The following SYCP2L variants were observed in gnomAD, a reference collection of about 807,000 sequenced individuals.
The protein encoded by SYCP2L is synaptonemal complex protein 2 like, also known as synaptonemal complex protein 2-like.
SYCP2L carries 98 observed loss-of-function variants against 125.8 expected under a neutral mutation model. The observed-to-expected ratio is 0.78, with a 90% confidence interval of 0.66 to 0.92. The LOEUF is 0.92. SYCP2L is among the 40% of genes least tolerant of loss of function. The pLI, the probability that SYCP2L is intolerant of heterozygous loss-of-function variation, is 0.00. For missense variants in SYCP2L, 842 were observed against 936.4 expected (o/e 0.90, Z 1.32); for synonymous variants, 317 against 325.4 (o/e 0.97, Z 0.28).
chr6:10,917,114 T>C (rs1780706938), intron 14 of SYCP2L, among the ~76,000 whole-genome samples: 1 of 152,250 alleles, frequency 6.6e-6, no homozygotes, highest in Non-Finnish European at 1.5e-5. Context: ...AGAACGTATA[T>C]TCTGCGGTTG....
Position 10,961,366 on chromosome 6 carries a change from G to T in SYCP2L, c.2317G>T (p.Asp773Tyr). Reference sequence around the variant, plus strand: ...TCAAGAGTTGAGCAGTCTTAAGCAGGATATTCAGGCCCTGGAACACCTTGA... The same window carrying T: ...TCAAGAGTTGAGCAGTCTTAAGCAGTATATTCAGGCCCTGGAACACCTTGA... ...VLQELSSLKQ[D>Y]IQALEHLEKE... The change falls in exon 27 of 30, where the codon GAT (aspartate) becomes TAT (tyrosine). Residue 773 changes from aspartate (D) to tyrosine (Y), a missense_variant. Physicochemically the swap from Asp to Tyr is radical, Grantham distance 160 (BLOSUM62 -3). Transcript: ENST00000283141. 5 of 1,614,164 alleles carry T rather than the reference G, an allele frequency of 3.1e-6. No homozygotes were observed. Among genetic ancestry groups the T allele is most frequent in the Non-Finnish European group, 4.2e-6 (5 of 1,180,026 alleles).
At chr6:10,931,762 C>T (rs1333427393) in intron 20 of SYCP2L, among the ~76,000 whole-genome samples, 6 of 151,960 alleles carry the variant, frequency 3.9e-5, no homozygotes, top group African/African-American at 1.2e-4. Context: ...TTTGGGAGTT[C>T]GAGACCAGCC....
intron 14 of SYCP2L, among the ~76,000 whole-genome samples, chr6:10,920,245 T>C (rs1780770823): frequency 6.6e-6 from 1 of 152,170 alleles, no homozygotes; most frequent in African/African-American, 2.4e-5. Context: ...GTTTTGAGAC[T>C]CTCACTGTGT....
chr6:10,927,725 T>G (rs1780922617), intron 17 of SYCP2L, among the ~76,000 whole-genome samples: 1 of 152,162 alleles, frequency 6.6e-6, no homozygotes, highest in Non-Finnish European at 1.5e-5. Flanking sequence ...GAGACAGGGT[T>G]TGAGAGCAAC....
chr6:10,912,829 T>C lies in SYCP2L; in HGVS notation c.1012-38T>C. ...GAGATCTTTTTTATGTAAGTATGTG[T>C]TTTGCACTCATGAATTTCACTTATT... On this transcript the variant is annotated intron_variant, in intron 13 of 29. Coordinates refer to ENST00000283141, the MANE Select transcript of SYCP2L (RefSeq NM_001040274.3). The surrounding 1 kb of genome is among the most constrained non-coding windows in gnomAD (Gnocchi z 4.1). The C allele has an allele frequency of 1.2e-6, 2 of 1,610,978 alleles. No homozygotes were observed. The highest frequency in any genetic ancestry group is 8.5e-7 in the Non-Finnish European group (1 of 1,177,420).
At chr6:10,903,206 G>A (rs868176140) in intron 8 of SYCP2L, among the ~76,000 whole-genome samples, 2 of 152,166 alleles carry the variant, frequency 1.3e-5, no homozygotes, top group Admixed American at 6.5e-5. Context: ...GGGCCAAGGC[G>A]GGCAGATCAT....
At chr6:10,922,435 C>T (rs188706205) in intron 14 of SYCP2L, among the ~76,000 whole-genome samples, 5 of 150,384 alleles carry the variant, frequency 3.3e-5, no homozygotes, top group Admixed American at 3.3e-4. Context: ...TATATGTTTG[C>T]ATTGATCCCA....
At chr6:10,931,594 C>T (rs987185717) in intron 20 of SYCP2L, 105 bp downstream of exon 20, 14 of 1,111,216 alleles carry the variant, frequency 1.3e-5, no homozygotes, top group Non-Finnish European at 1.9e-5. Flanking sequence ...TATTGGTTTA[C>T]TGATATGTGA....
intron 26 of SYCP2L, among the ~76,000 whole-genome samples, chr6:10,960,813 C>T (rs558193951): frequency 2.5e-4 from 38 of 152,208 alleles, no homozygotes; most frequent in Non-Finnish European, 4.0e-4. Flanking sequence ...CGGTGGCTCA[C>T]GCCTGTAATC....
chr6:10,893,077 G>A (rs1383980194), intron 2 of SYCP2L, among the ~76,000 whole-genome samples: 3 of 151,066 alleles, frequency 2.0e-5, no homozygotes, highest in African/African-American at 4.9e-5. Flanking sequence ...GTGCGATCTC[G>A]ACTCACCGCA....
intron 20 of SYCP2L, 41 bp from the exon 21 acceptor site, chr6:10,935,017 A>G (rs1041789103): frequency 6.7e-6 from 10 of 1,501,748 alleles, no homozygotes; most frequent in Non-Finnish European, 9.0e-6. Flanking sequence ...ACTTGTTTTT[A>G]ATTATGAATG....
rs528885746 is a variant in SYCP2L, at chr6:10,904,221, A to C, written c.641+1258A>C. Reference sequence around the variant, plus strand: ...TGGATTTTTTGTTTGTTGGTGACCCAAAGTCATTGTTGCGTAATTCTTGGG... The same window carrying C: ...TGGATTTTTTGTTTGTTGGTGACCCCAAGTCATTGTTGCGTAATTCTTGGG... On this transcript the variant is annotated intron_variant, in intron 8 of 29. Coordinates refer to ENST00000283141, the MANE Select transcript of SYCP2L (RefSeq NM_001040274.3). 2.0e-5 allele frequency among the ~76,000 whole-genome samples: 3 copies of C among 152,336 alleles called. No individual in the cohort carries two copies. The South Asian group carries it at 6.2e-4, about 32-fold the overall frequency.
intron 6 of SYCP2L, among the ~76,000 whole-genome samples, chr6:10,900,675 C>G (rs960945256): frequency 6.6e-6 from 1 of 152,154 alleles, no homozygotes; most frequent in Non-Finnish European, 1.5e-5. Flanking sequence ...CTTATAAGGG[C>G]ACTCATCCCA....
At chr6:10,951,173 C>T (rs1255856586) in intron 23 of SYCP2L, among the ~76,000 whole-genome samples, 1 of 151,958 alleles carries the variant, frequency 6.6e-6, no homozygotes, top group Non-Finnish European at 1.5e-5. Context: ...CCTGTAATCC[C>T]AGAACTTTGG....
chr6:10,930,387 A>G lies in SYCP2L; in HGVS notation c.1506A>G (p.Lys502=), dbSNP rs770205470. 6.2e-7 allele frequency: 1 copy of G among 1,612,702 alleles called. No homozygotes were observed. Among genetic ancestry groups the G allele is most frequent in the Non-Finnish European group, 8.5e-7 (1 of 1,179,602 alleles). The change falls in exon 19 of 30, where the codon AAA becomes AAG. Residue 502 remains lysine, a synonymous_variant. Transcript: ENST00000283141. ...FPQQPKSHYR[K]HLFSESNQDS... ...GCTTGTAGAAGTCTCATTACAGAAA[A>G]CATCTCTTCTCTGAGAGTAATCAAG...
intron 4 of SYCP2L, among the ~76,000 whole-genome samples, chr6:10,895,260 T>C (rs919111613): frequency 6.6e-5 from 10 of 152,180 alleles, no homozygotes; most frequent in African/African-American, 1.9e-4. Context: ...GCTGACCTTT[T>C]GGGGTATGAA....
At chr6:10,913,313 T>C (rs1419192936) in intron 14 of SYCP2L, among the ~76,000 whole-genome samples, 3 of 152,114 alleles carry the variant, frequency 2.0e-5, no homozygotes, top group Non-Finnish European at 4.4e-5. Flanking sequence ...GGTAGTAAAC[T>C]GTGGTTAGTA....
chr6:10,906,360 C>G (rs1228337788), intron 9 of SYCP2L, among the ~76,000 whole-genome samples: 3 of 151,764 alleles, frequency 2.0e-5, no homozygotes, highest in Non-Finnish European at 2.9e-5. Flanking sequence ...TGTTCCTCAT[C>G]CCATTTCCCT....
At chr6:10,950,320 C>T (rs16870838) in intron 23 of SYCP2L, among the ~76,000 whole-genome samples, 4,093 of 152,052 alleles carry the variant, frequency 0.027, 149 homozygotes, top group East Asian at 0.2. Flanking sequence ...ATGAGCGTTC[C>T]GTGCCGTACT....
Sources: allele counts gnomAD v4.1 joint callset (sites outside exome capture counted in the v4.1 genomes callset), GRCh38; gene constraint gnomAD v4.1.1; non-coding constraint Gnocchi (gnomAD v3.1); transcripts MANE v1.5; gene names NCBI Gene and HGNC (gene_info 2026-07-23, HGNC 2026-07-21).